Variants in ARHGAP26 observed in about 807,000 individuals in gnomAD.
ARHGAP26 encodes rho GTPase-activating protein 26.
In ARHGAP26, 38 loss-of-function variants were observed where a neutral mutation model predicts 104.8. The observed-to-expected ratio is 0.36, with a 90% CI of 0.28 to 0.48. The LOEUF (loss-of-function observed/expected upper bound fraction) is 0.48. ARHGAP26 is among the 20% of genes least tolerant of loss of function. The pLI is 0.99. For missense variants in ARHGAP26, 704 were observed against 947.9 expected (o/e 0.74, Z 3.38); for synonymous variants, 341 against 340.0 (o/e 1.00, Z -0.03).
intron 19 of ARHGAP26, among the ~76,000 whole-genome samples, chr5:143,146,282 T>C (rs1799145838): frequency 6.6e-6 from 1 of 152,248 alleles, no homozygotes; most frequent in Non-Finnish European, 1.5e-5. Context: ...TCCAAGTTTT[T>C]AAAGATGGGA....
chr5:142,808,684 G>C (rs1763504215), intron 1 of ARHGAP26, among the ~76,000 whole-genome samples: 1 of 152,068 alleles, frequency 6.6e-6, no homozygotes, highest in Non-Finnish European at 1.5e-5. Context: ...TGGAATGGGA[G>C]ACCCCTCCCA....
At chr5:143,074,155 T>TC (rs1399551875) in intron 17 of ARHGAP26, among the ~76,000 whole-genome samples, 3 of 152,230 alleles carry the variant, frequency 2.0e-5, no homozygotes, top group Non-Finnish European at 4.4e-5. Context: ...CAATTTTTTT[T>TC]CTGACTTCCT....
At chr5:143,122,288 T>C (rs1562466109) in intron 18 of ARHGAP26, among the ~76,000 whole-genome samples, 1 of 152,218 alleles carries the variant, frequency 6.6e-6, no homozygotes, top group Non-Finnish European at 1.5e-5. Context: ...CCTTGCTGTT[T>C]CTTGGACACC....
At chr5:143,018,407 A>G (rs1367033589) in intron 12 of ARHGAP26, among the ~76,000 whole-genome samples, 1 of 152,218 alleles carries the variant, frequency 6.6e-6, no homozygotes, top group African/African-American at 2.4e-5. Context: ...GTTTTGGAGA[A>G]GGCCTTTATG....
chr5:142,884,492 T>C (rs1757441258), intron 4 of ARHGAP26, among the ~76,000 whole-genome samples: 1 of 152,230 alleles, frequency 6.6e-6, no homozygotes, highest in Non-Finnish European at 1.5e-5. Flanking sequence ...TTACCATAAC[T>C]CAGGTATTTG....
intron 11 of ARHGAP26, among the ~76,000 whole-genome samples, chr5:142,994,710 G>A (rs906140305): frequency 6.6e-6 from 1 of 152,176 alleles, no homozygotes; most frequent in African/African-American, 2.4e-5. Context: ...TGAGATAAAA[G>A]TGATGCCATT....
At chr5:143,089,644 A>G (rs1791114064) in intron 17 of ARHGAP26, among the ~76,000 whole-genome samples, 1 of 152,188 alleles carries the variant, frequency 6.6e-6, no homozygotes, top group African/African-American at 2.4e-5. Flanking sequence ...TATTCCTTTA[A>G]CAACATCTCT....
At chr5:142,876,927 G>A (rs1756207152) in intron 3 of ARHGAP26, among the ~76,000 whole-genome samples, 1 of 152,050 alleles carries the variant, frequency 6.6e-6, no homozygotes, top group African/African-American at 2.4e-5. Flanking sequence ...GGTGGCAGCA[G>A]TGGGGGTTGG....
chr5:143,052,743 C>A (rs1785227917), intron 14 of ARHGAP26, among the ~76,000 whole-genome samples: 1 of 152,130 alleles, frequency 6.6e-6, no homozygotes, highest in African/African-American at 2.4e-5. Flanking sequence ...GAGTATTTGG[C>A]CTCTTTCTAT....
intron 1 of ARHGAP26, among the ~76,000 whole-genome samples, chr5:142,796,054 CTGTGTGTGTGTGTGTGTGTG>C (rs71890315): frequency 1.4e-5 from 2 of 144,048 alleles, no homozygotes; most frequent in Admixed American, 1.4e-4. Context: ...AGGTGTTTTT[CTGTGTGTGTGTGTGTGTGTG>C]TGTGTGTGTG....
At chr5:142,934,814 T>C (rs989289574) in intron 11 of ARHGAP26, among the ~76,000 whole-genome samples, 15 of 152,158 alleles carry the variant, frequency 9.9e-5, no homozygotes, top group African/African-American at 3.4e-4. Context: ...TTCTTTTTGT[T>C]CTTTCATTGT....
intron 1 of ARHGAP26, chr5:142,868,841 G>T (rs11956107): frequency 6.6e-6 from 1 of 152,306 alleles, no homozygotes; most frequent in East Asian, 1.9e-4. Flanking sequence ...TGTCTCAGCT[G>T]TCTGTCATGG....
intron 8 of ARHGAP26, among the ~76,000 whole-genome samples, chr5:142,906,952 G>A (rs953604500): frequency 9.2e-5 from 14 of 152,074 alleles, no homozygotes; most frequent in African/African-American, 3.4e-4. Context: ...TCCTTTGCAG[G>A]CTGACTAATG....
In ARHGAP26 at chr5:142,949,185, G is replaced by A. The variant is rs2152575441; in HGVS notation, c.1107+17060G>A. Among the ~76,000 whole-genome samples the A allele has an allele frequency of 3.3e-4, 8 of 24,438 alleles. No individual in the cohort carries two copies. The South Asian group carries it at 0.013, about 39-fold the overall frequency. The allele number at this position is 24,438 out of a possible 152,430, so 16.0% of individuals were successfully genotyped here. ...ATTTCCAGAGAGAGAGAGAGAGAGA[G>A]AGAGAGAGAGAGAGAGAGAGAGAGA... is the stretch of plus-strand genomic sequence containing the variant. On this transcript the variant is annotated intron_variant, in intron 11 of 22. Coordinates refer to ENST00000645722, the MANE Select transcript of ARHGAP26 (RefSeq NM_001135608.3).
chr5:142,829,415 C>T (rs1433092044), intron 1 of ARHGAP26, among the ~76,000 whole-genome samples: 2 of 152,168 alleles, frequency 1.3e-5, no homozygotes, highest in Non-Finnish European at 2.9e-5. Flanking sequence ...CTTAGTAGAT[C>T]ATGATAAGAG....
chr5:143,031,156 A>G (rs1781782766), intron 12 of ARHGAP26, among the ~76,000 whole-genome samples: 1 of 152,252 alleles, frequency 6.6e-6, no homozygotes, highest in African/African-American at 2.4e-5. Flanking sequence ...CAGTGTGGCT[A>G]GGTGCTCAGA....
intron 22 of ARHGAP26, chr5:143,216,340 T>G (rs527710170): frequency 3.9e-4 from 183 of 467,522 alleles, no homozygotes; most frequent in Non-Finnish European, 7.1e-4. Flanking sequence ...GCAGCGAGAG[T>G]GATCTTTGAA....
At chr5:143,101,088 A>G (rs748817451) in intron 17 of ARHGAP26, among the ~76,000 whole-genome samples, 2 of 152,142 alleles carry the variant, frequency 1.3e-5, no homozygotes, top group Non-Finnish European at 2.9e-5. Context: ...GCAAGACTCT[A>G]TCTCAAAAAA....
At chr5:142,935,721 C>G (rs552126115) in intron 11 of ARHGAP26, among the ~76,000 whole-genome samples, 11 of 152,322 alleles carry the variant, frequency 7.2e-5, no homozygotes, top group African/African-American at 2.6e-4. Context: ...AGAAGGTCAT[C>G]TTCCTCTGAG....
Sources: gnomAD v4.1 joint callset for allele counts (sites outside exome capture counted in the v4.1 genomes callset) on GRCh38, gnomAD v4.1.1 for gene constraint, MANE v1.5 for transcripts, NCBI Gene and HGNC (gene_info 2026-07-23, HGNC 2026-07-21) for gene names.